EEF1AKMT1: variants seen among roughly 807,000 people sequenced by gnomAD.
The protein encoded by EEF1AKMT1 is EEF1A lysine methyltransferase 1.
Under a neutral mutation model 21.0 loss-of-function variants are expected in EEF1AKMT1, and 18 were observed. The observed-to-expected ratio is 0.86, with a 90% CI of 0.59 to 1.27. The LOEUF is 1.27. Among genes scored for constraint, EEF1AKMT1 ranks in the 50% most tolerant of loss-of-function variants. The probability of loss-of-function intolerance (pLI) is 0.00; values close to 1 mark genes in which losing one functional copy is unlikely to be tolerated. For missense variants in EEF1AKMT1, 246 were observed against 258.6 expected (o/e 0.95, Z 0.33); for synonymous variants, 109 against 94.8 (o/e 1.15, Z -0.87).
In EEF1AKMT1 at chr13:20,734,617, G is replaced by A. The variant is rs186070177; in HGVS notation, c.228-2496C>T. On this transcript the variant is annotated intron_variant, in intron 3 of 4. Transcript: ENST00000382758. ...ATTTATTTATTTATTTATTTGAGAC[G>A]GAGTCTCGCGCTCACGCTCAGGCTG... Among the ~76,000 whole-genome samples, 148 of 103,830 alleles carry A rather than the reference G, an allele frequency of 1.4e-3. No individual in the cohort carries two copies. The Middle Eastern group carries it at 0.015, about 10-fold the overall frequency. 68.1% of individuals were successfully genotyped at this position (103,830 alleles called of 152,430 possible).
At chr13:20,743,329 A>G (rs891635753) in intron 2 of EEF1AKMT1, among the ~76,000 whole-genome samples, 1 of 152,102 alleles carries the variant, frequency 6.6e-6, no homozygotes, top group Admixed American at 6.6e-5. Context: ...GGCCTCCCAA[A>G]GTGCTGGGAT....
chr13:20,739,973 A>G (rs1356240215), intron 2 of EEF1AKMT1, among the ~76,000 whole-genome samples: 1 of 152,194 alleles, frequency 6.6e-6, no homozygotes, highest in Non-Finnish European at 1.5e-5. Context: ...TGGGCCCCGC[A>G]GAGAAGGGGC....
intron 1 of EEF1AKMT1, among the ~76,000 whole-genome samples, chr13:20,770,570 A>G (rs2059057680): frequency 1.3e-5 from 2 of 152,200 alleles, no homozygotes; most frequent in Non-Finnish European, 2.9e-5. Context: ...AAAAATTCCA[A>G]AGATTAGCTT....
At chr13:20,749,107 T>C (rs1466381623) in intron 2 of EEF1AKMT1, among the ~76,000 whole-genome samples, 3 of 152,236 alleles carry the variant, frequency 2.0e-5, no homozygotes, top group Admixed American at 6.5e-5. Context: ...TGGTATACTA[T>C]AATTGCTTTT....
intron 4 of EEF1AKMT1, among the ~76,000 whole-genome samples, chr13:20,730,359 G>A (rs1283506195): frequency 6.6e-6 from 1 of 152,126 alleles, no homozygotes; most frequent in Non-Finnish European, 1.5e-5. Flanking sequence ...TCCACTCCTG[G>A]CCCAGCCCTG....
chr13:20,772,006 C>T (rs978605641), intron 1 of EEF1AKMT1, among the ~76,000 whole-genome samples: 12 of 60,982 alleles, frequency 2.0e-4, no homozygotes. Flanking sequence ...AGTGAGACTA[C>T]ATTTCAAAAA....
intron 1 of EEF1AKMT1, among the ~76,000 whole-genome samples, chr13:20,761,525 T>C (rs76151067): frequency 0.021 from 3,197 of 152,338 alleles, 123 homozygotes; most frequent in African/African-American, 0.074. Flanking sequence ...TTGTGAACAT[T>C]CCTGTAAAAT....
At chr13:20,768,250 C>T (rs1328414277) in intron 1 of EEF1AKMT1, among the ~76,000 whole-genome samples, 1 of 152,150 alleles carries the variant, frequency 6.6e-6, no homozygotes, top group Non-Finnish European at 1.5e-5. Flanking sequence ...TCCTGAAACA[C>T]AGGTTAATTA....
chr13:20,759,588 AAAAC>A (rs2058989051), intron 1 of EEF1AKMT1, among the ~76,000 whole-genome samples: 1 of 149,580 alleles, frequency 6.7e-6, no homozygotes, highest in Admixed American at 6.7e-5. Flanking sequence ...TCAAAAACAA[AAAAC>A]AAACAAAAAA....
intron 1 of EEF1AKMT1, among the ~76,000 whole-genome samples, chr13:20,771,914 G>A (rs553527470): frequency 2.6e-5 from 4 of 152,016 alleles, no homozygotes; most frequent in African/African-American, 9.6e-5. Flanking sequence ...AGGAGGCTGA[G>A]ACAGGAGAAT....
rs555046842 is a variant in EEF1AKMT1 at position 20,730,863 on chromosome 13, G to C, written c.508+978C>G. Among the ~76,000 whole-genome samples the C allele has an allele frequency of 3.3e-5, 5 of 152,258 alleles. No homozygotes were observed. The South Asian group carries it at 1.0e-3, about 32-fold the overall frequency. ...GCAACCAGGTGTTGTCCTCTTCCAT[G>C]GTGTGGAAGGTTTGTTTTTTGCTCT... On this transcript the variant is annotated intron_variant, in intron 4 of 4. Transcript: ENST00000382758.
chr13:20,761,482 GTTTCCAA>G (rs2059001335), intron 1 of EEF1AKMT1, among the ~76,000 whole-genome samples: 1 of 152,140 alleles, frequency 6.6e-6, no homozygotes, highest in South Asian at 2.1e-4. Context: ...CATTTGGGTT[GTTTCCAA>G]TTTTAAGGTA....
At position 20,729,113 on chromosome 13, in the gene EEF1AKMT1, C is replaced by T; in HGVS notation, c.612G>A (p.Val204=). 1 of 1,614,214 alleles carries T rather than the reference C, an allele frequency of 6.2e-7. No homozygotes were observed. ...CACAGTCCAGCCCAGAATCATAATTCACATAACAGCGAAACTCATTTGCCA... is the reference window on the plus strand; with the variant it reads ...CACAGTCCAGCCCAGAATCATAATTTACATAACAGCGAAACTCATTTGCCA... ...RNLANEFRCY[V]NYDSGLDCGI Residue 204 remains valine, a synonymous_variant, in exon 5 of 5, where the codon GTG becomes GTA. Coordinates refer to ENST00000382758, the MANE Select transcript of EEF1AKMT1 (RefSeq NM_001318939.2).
In EEF1AKMT1 at chr13:20,732,048, TG is replaced by T; in HGVS notation, c.300del (p.Tyr100Ter). The T allele has an allele frequency of 6.2e-7, 1 of 1,614,170 alleles. No homozygotes were observed. The highest frequency in any genetic ancestry group is 1.1e-5 in the South Asian group (1 of 91,080). On this transcript the variant is annotated frameshift_variant, in exon 4 of 5. Coordinates refer to ENST00000382758, the MANE Select transcript of EEF1AKMT1 (RefSeq NM_001318939.2). ...RELCRENFSI[Y>X]IFEYDKRFAM... ...GCAAATCTTTTGTCATATTCAAAGA[TG>T]TATATCGAAAAGTTTTCTCTGCACA...
At chr13:20,738,725 A>G (rs1045476059) in intron 2 of EEF1AKMT1, among the ~76,000 whole-genome samples, 1 of 152,224 alleles carries the variant, frequency 6.6e-6, no homozygotes, top group Non-Finnish European at 1.5e-5. Context: ...AAGAAATCAG[A>G]CACCAAAGGC....
At chr13:20,765,984 T>G (rs777985231) in intron 1 of EEF1AKMT1, among the ~76,000 whole-genome samples, 2 of 151,738 alleles carry the variant, frequency 1.3e-5, no homozygotes, top group African/African-American at 4.8e-5. Context: ...TAGGCATATA[T>G]GAAAAGATGC....
intron 4 of EEF1AKMT1, among the ~76,000 whole-genome samples, chr13:20,731,567 A>G (rs902707825): frequency 3.3e-5 from 5 of 152,222 alleles, no homozygotes; most frequent in African/African-American, 1.2e-4. Flanking sequence ...GATAGTATTG[A>G]TGATGGTATG....
At chr13:20,751,815 A>G (rs999002193) in intron 2 of EEF1AKMT1, among the ~76,000 whole-genome samples, 2 of 152,040 alleles carry the variant, frequency 1.3e-5, no homozygotes, top group African/African-American at 4.8e-5. Flanking sequence ...GGTGTCTTCA[A>G]TTTCTTTCCT....
intron 1 of EEF1AKMT1, among the ~76,000 whole-genome samples, chr13:20,767,889 T>A (rs2059043876): frequency 6.6e-6 from 1 of 152,248 alleles, no homozygotes; most frequent in African/African-American, 2.4e-5. Flanking sequence ...AGTTTACTAA[T>A]CTTCTATTCT....
Sources: allele counts gnomAD v4.1 joint callset (sites outside exome capture counted in the v4.1 genomes callset), GRCh38; gene constraint gnomAD v4.1.1; transcripts MANE v1.5; gene names NCBI Gene and HGNC (gene_info 2026-07-23, HGNC 2026-07-21).